The following LYRM4 variants were observed in gnomAD, a reference collection of about 807,000 sequenced individuals.
LYRM4 encodes LYR motif-containing protein 4.
Under a neutral mutation model 11.7 loss-of-function variants are expected in LYRM4, and 9 were observed. The ratio of observed to expected loss-of-function variants is 0.77; its 90% CI spans 0.46 to 1.34. The LOEUF (loss-of-function observed/expected upper bound fraction) is 1.34. LYRM4 is among the 40% of genes most tolerant of loss of function. The pLI is 0.00. For synonymous variants in LYRM4, 42 were observed against 40.4 expected (o/e 1.04, Z -0.15); for missense variants, 133 against 112.5 (o/e 1.18, Z -0.82).
At chr6:5,157,964 G>C (rs1340807485) in intron 2 of LYRM4, among the ~76,000 whole-genome samples, 2 of 152,188 alleles carry the variant, frequency 1.3e-5, no homozygotes, top group Non-Finnish European at 2.9e-5. Context: ...ATGAAAAGAG[G>C]ATGCAGGACT....
chr6:5,197,564 A>G (rs907035895), intron 2 of LYRM4, among the ~76,000 whole-genome samples: 7 of 151,762 alleles, frequency 4.6e-5, no homozygotes, highest in Admixed American at 3.9e-4. Context: ...AATCCCAGCT[A>G]CTCCGGAGGC....
At position 5,109,284 on chromosome 6, in the gene LYRM4, T is replaced by A. The variant is rs1461776024; in HGVS notation, c.*139A>T. 9 of 1,525,552 alleles carry A rather than the reference T, an allele frequency of 5.9e-6. No individual in the cohort carries two copies. In the East Asian group the frequency reaches 2.1e-4, roughly 35 times the overall value. The allele number at this position is 1,525,552 out of a possible 1,614,324, so 94.5% of individuals were successfully genotyped here. A position where few individuals can be genotyped will look rare whatever the true frequency, so the allele number is the denominator to read the frequency against. The stretch of plus-strand genomic sequence containing the variant: ...CACTAAGCCTGCAACAGAATGCAAA[T>A]GTGACTTGGTTTATCAGCTCCCACA... On this transcript the variant is annotated 3_prime_UTR_variant, in exon 3 of 3. Coordinates refer to ENST00000330636, the MANE Select transcript of LYRM4 (RefSeq NM_020408.6).
At chr6:5,178,477 A>G (rs1006583415) in intron 2 of LYRM4, among the ~76,000 whole-genome samples, 17 of 150,878 alleles carry the variant, frequency 1.1e-4, no homozygotes, top group Non-Finnish European at 2.2e-4. Flanking sequence ...AGCTTCTAAA[A>G]GTAAACTACT....
At chr6:5,168,010 C>T (rs1028638502) in intron 2 of LYRM4, among the ~76,000 whole-genome samples, 1 of 151,678 alleles carries the variant, frequency 6.6e-6, no homozygotes, top group Non-Finnish European at 1.5e-5. Flanking sequence ...AGGGCTCCCA[C>T]TGGCGGATGT....
At chr6:5,050,415 GA>G in the LYRM4 span, among the ~76,000 whole-genome samples, 993 of 152,352 alleles carry the variant, frequency 6.5e-3, 12 homozygotes, top group African/African-American at 0.023. Context: ...TGTAGACACG[GA>G]GGTGAGCAGC....
At chr6:5,223,568 TA>T (rs1301602811) in intron 1 of LYRM4, among the ~76,000 whole-genome samples, 1 of 151,996 alleles carries the variant, frequency 6.6e-6, no homozygotes, top group Non-Finnish European at 1.5e-5. Context: ...GAACAGGCAT[TA>T]AAAAAAATTG....
chr6:5,125,477 C>T (rs554667021), intron 2 of LYRM4, among the ~76,000 whole-genome samples: 3 of 152,328 alleles, frequency 2.0e-5, no homozygotes, highest in Non-Finnish European at 2.9e-5. Flanking sequence ...CAGTGCCTCG[C>T]GTGGTGCCTC....
intron 2 of LYRM4, among the ~76,000 whole-genome samples, chr6:5,201,857 G>A (rs1761412086): frequency 6.6e-6 from 1 of 152,192 alleles, no homozygotes; most frequent in African/African-American, 2.4e-5. Context: ...GCATGATATG[G>A]TGATGGAGAC....
At chr6:5,224,963 A>G (rs1762790672) in intron 1 of LYRM4, among the ~76,000 whole-genome samples, 1 of 147,582 alleles carries the variant, frequency 6.8e-6, no homozygotes, top group Non-Finnish European at 1.5e-5. Flanking sequence ...TGTCTGAAAA[A>G]ATAGGCTGGG....
chr6:5,186,613 A>G, intron 2 of LYRM4: 1 of 981,252 alleles, frequency 1.0e-6, no homozygotes, highest in African/African-American at 1.7e-5. Flanking sequence ...ATGCAAGAGA[A>G]TTTTTATTGT....
the LYRM4 span, chr6:5,084,780 G>A: frequency 6.6e-6 from 1 of 152,264 alleles, no homozygotes. Context: ...GGAACCCGGG[G>A]CGCCCTGAAG....
At chr6:5,189,578 C>A (rs1028072222) in intron 2 of LYRM4, among the ~76,000 whole-genome samples, 1 of 152,182 alleles carries the variant, frequency 6.6e-6, no homozygotes, top group Admixed American at 6.5e-5. Context: ...AAATTCCAGC[C>A]GCAAGGCACC....
chr6:5,252,733 C>T (rs1427630463), intron 1 of LYRM4, among the ~76,000 whole-genome samples: 1 of 152,010 alleles, frequency 6.6e-6, no homozygotes, highest in Non-Finnish European at 1.5e-5. Flanking sequence ...AAAGCTTTAC[C>T]CTTTCCTGGC....
chr6:5,258,982 C>T lies in LYRM4; in HGVS notation c.86+1666G>A, dbSNP rs111486523. Among the ~76,000 whole-genome samples, 666 of 152,260 alleles carry T rather than the reference C, an allele frequency of 4.4e-3. 3 individuals carry two copies. The highest frequency in any genetic ancestry group is 0.015 in the African/African-American group (637 of 41,528). On this transcript the variant is annotated intron_variant, in intron 1 of 2. Transcript: ENST00000330636. ...GCCTCATTTGCTCATAAATCATTTC[C>T]AAAGAGAATTTCAGAAATGGAAGGG... is the stretch of plus-strand genomic sequence containing the variant.
At position 5,109,179 on chromosome 6, in the gene LYRM4, G is replaced by A; in HGVS notation, c.*244C>T. ...TAGGAATGGGGTGCAGGGGAGACGTGGTAACACACAGCACTATTCTGAACG... is the reference window on the plus strand; with the variant it reads ...TAGGAATGGGGTGCAGGGGAGACGTAGTAACACACAGCACTATTCTGAACG... On this transcript the variant is annotated 3_prime_UTR_variant, in exon 3 of 3. Transcript: ENST00000330636. 1 of 1,364,732 alleles carries A rather than the reference G, an allele frequency of 7.3e-7. No individual in the cohort carries two copies. The highest frequency in any genetic ancestry group is 9.5e-7 in the Non-Finnish European group (1 of 1,056,000). 84.5% of individuals were successfully genotyped at this position (1,364,732 alleles called of 1,614,324 possible). A position where few individuals can be genotyped will look rare whatever the true frequency, so the allele number is the denominator to read the frequency against.
chr6:5,158,963 G>GC (rs35322216), intron 2 of LYRM4, among the ~76,000 whole-genome samples: 45,870 of 152,120 alleles, frequency 0.3, 7,118 homozygotes, highest in Middle Eastern at 0.37. Context: ...GGCAACCTTG[G>GC]CCTCCTCATC....
chr6:5,125,106 G>T (rs1029590600), intron 2 of LYRM4, among the ~76,000 whole-genome samples: 7 of 152,120 alleles, frequency 4.6e-5, no homozygotes, highest in African/African-American at 9.7e-5. Context: ...CCTTGCTGAC[G>T]TGGCTGCTGC....
rs570423528 is a variant in LYRM4, at chr6:5,219,892, C to T, written c.87-3154G>A. Among the ~76,000 whole-genome samples, 26 of 152,204 alleles carry T rather than the reference C, an allele frequency of 1.7e-4. No individual in the cohort carries two copies. The South Asian group carries it at 5.0e-3, about 29-fold the overall frequency. On this transcript the variant is annotated intron_variant, in intron 1 of 2. Transcript: ENST00000330636. ...AATGAGTCAGACGCTGTCTGAAATACGGCATGAAAAACTAACGCAGAAAGG... is the reference window on the plus strand; with the variant it reads ...AATGAGTCAGACGCTGTCTGAAATATGGCATGAAAAACTAACGCAGAAAGG...
chr6:5,215,599 C>G (rs1487405512), intron 2 of LYRM4, among the ~76,000 whole-genome samples: 1 of 152,180 alleles, frequency 6.6e-6, no homozygotes, highest in African/African-American at 2.4e-5. Flanking sequence ...GACCTTTAAT[C>G]TTGACATAAA....
Sources: allele counts gnomAD v4.1 joint callset (sites outside exome capture counted in the v4.1 genomes callset), GRCh38; gene constraint gnomAD v4.1.1; transcripts MANE v1.5; gene names NCBI Gene and HGNC (gene_info 2026-07-23, HGNC 2026-07-21).